Variants in ARMC9 observed in about 807,000 individuals in gnomAD.
ARMC9 encodes armadillo repeat containing 9.
ARMC9 carries 94 observed loss-of-function variants against 107.0 expected under a neutral mutation model. The ratio of observed to expected loss-of-function variants is 0.88; its 90% CI spans 0.74 to 1.04. The LOEUF (loss-of-function observed/expected upper bound fraction) is 1.04, where lower values mean the gene tolerates loss of function less well. ARMC9 is among the 50% of genes least tolerant of loss of function. The pLI is 0.00. For synonymous variants in ARMC9, 380 were observed against 396.9 expected (o/e 0.96, Z 0.51); for missense variants, 942 against 1,030.1 (o/e 0.91, Z 1.17).
chr2:231,297,519 G>A lies in ARMC9; in HGVS notation c.1773+1266G>A, dbSNP rs1243642543. ...ATTCTGCCATTGTAACACGGTGGCT[G>A]TCAGCAGTACATAAGTGGCTGAACG... On this transcript the variant is annotated intron_variant, in intron 19 of 24. Coordinates refer to ENST00000611582, the MANE Select transcript of ARMC9 (RefSeq NM_001352754.2). The surrounding 1 kb of genome is among the most constrained non-coding windows in gnomAD (Gnocchi z 4.2). Among the ~76,000 whole-genome samples the A allele has an allele frequency of 6.6e-6, 1 of 152,238 alleles. No homozygotes were observed. Among genetic ancestry groups the A allele is most frequent in the African/African-American group, 2.4e-5 (1 of 41,464 alleles).
chr2:231,269,185 G>A (rs543214743), intron 12 of ARMC9, among the ~76,000 whole-genome samples: 2 of 152,198 alleles, frequency 1.3e-5, no homozygotes, highest in African/African-American at 4.8e-5. Flanking sequence ...TCCTTCATGA[G>A]GTATATTTTA....
At chr2:231,281,647 G>A (rs900999834) in intron 16 of ARMC9, among the ~76,000 whole-genome samples, 1 of 152,180 alleles carries the variant, frequency 6.6e-6, no homozygotes, top group South Asian at 2.1e-4. Flanking sequence ...GATGATGTCT[G>A]AACAAGGACA....
At position 231,273,044 on chromosome 2, in the gene ARMC9, A is replaced by G. The variant is rs1269448964; in HGVS notation, c.1300A>G (p.Asn434Asp). 7 of 1,613,638 alleles carry G rather than the reference A, an allele frequency of 4.3e-6. No individual in the cohort carries two copies. The highest frequency in any genetic ancestry group is 5.9e-6 in the Non-Finnish European group (7 of 1,179,836). ...GGACAAGGATATCATCACCAGGGAG[A>G]ATGTTCTTGGGGCCCTGCAGAAGTT... ...EEDKDIITRE[N>D]VLGALQKFSL... The change falls in exon 14 of 25, where the codon AAT becomes GAT. Residue 434 changes from asparagine (N) to aspartate (D), a missense_variant. By Grantham distance (23) the Asn-to-Asp change is conservative. Transcript: ENST00000611582.
rs1016052 is a variant in ARMC9 at position 231,251,945 on chromosome 2, T to A, written c.880-4641T>A. The stretch of plus-strand genomic sequence containing the variant: ...ACTGTGTTGCCTGGCTGGCCTTCTC[T>A]CATTGAGAGCATGCTGAGCCACTCC... On this transcript the variant is annotated intron_variant, in intron 9 of 24. Coordinates refer to ENST00000611582, the MANE Select transcript of ARMC9 (RefSeq NM_001352754.2). Among the ~76,000 whole-genome samples, 1,169 of 152,250 alleles carry A rather than the reference T, an allele frequency of 7.7e-3. 14 individuals carry two copies. Among genetic ancestry groups the A allele is most frequent in the East Asian group, 0.052 (267 of 5,178 alleles).
At chr2:231,303,794 G>A (rs1015382064) in intron 19 of ARMC9, among the ~76,000 whole-genome samples, 32 of 152,132 alleles carry the variant, frequency 2.1e-4, no homozygotes, top group African/African-American at 7.2e-4. Flanking sequence ...AAAATTAGCC[G>A]GGTGTGATGG....
chr2:231,280,235 A>T (rs1481948425), intron 16 of ARMC9, among the ~76,000 whole-genome samples: 1 of 152,158 alleles, frequency 6.6e-6, no homozygotes, highest in Non-Finnish European at 1.5e-5. Flanking sequence ...CAGGAGGATC[A>T]CTTGAAGTCA....
In ARMC9 at chr2:231,276,662, A is replaced by C; in HGVS notation, c.1361A>C (p.Gln454Pro). Residue 454 changes from glutamine to proline, a missense_variant, in exon 15 of 25, where the codon CAA becomes CCA. Coordinates refer to ENST00000611582, the MANE Select transcript of ARMC9 (RefSeq NM_001352754.2). ...CGCCCGCTGCAGACAGCGATGATTCAAGACGGCCTCATCTTCTGGCTGGTT... is the reference window on the plus strand; with the variant it reads ...CGCCCGCTGCAGACAGCGATGATTCCAGACGGCCTCATCTTCTGGCTGGTT... ...LRRPLQTAMIQDGLIFWLVDV... is the reference protein window; with the variant it reads ...LRRPLQTAMIPDGLIFWLVDV... The C allele has an allele frequency of 6.2e-7, 1 of 1,614,132 alleles. No individual in the cohort carries two copies.
At chr2:231,344,640 A>C (rs896982245) in intron 20 of ARMC9, among the ~76,000 whole-genome samples, 1 of 152,162 alleles carries the variant, frequency 6.6e-6, no homozygotes, top group African/African-American at 2.4e-5. Flanking sequence ...ATGAAATCAA[A>C]TGTCCATCTT....
At chr2:231,281,721 T>C (rs1410050726) in intron 16 of ARMC9, among the ~76,000 whole-genome samples, 2 of 152,158 alleles carry the variant, frequency 1.3e-5, no homozygotes, top group Non-Finnish European at 2.9e-5. Context: ...TATTGGAGAC[T>C]GAACAACAAC....
intron 15 of ARMC9, 38 bp from the exon 16 acceptor site, chr2:231,278,344 T>C: frequency 6.2e-7 from 1 of 1,604,610 alleles, no homozygotes; most frequent in Non-Finnish European, 8.5e-7. Flanking sequence ...CTTCTGGGTT[T>C]AGACATGTCA....
chr2:231,273,000 AGGGAAG>A lies in ARMC9; in HGVS notation c.1258_1263del (p.Gly420_Arg421del). On this transcript the variant is annotated inframe_deletion, in exon 14 of 25. Coordinates refer to ENST00000611582, the MANE Select transcript of ARMC9 (RefSeq NM_001352754.2). Reference sequence around the variant, plus strand: ...AACACAAAGGTGCTGCAGATGCTGGAGGGAAGGCTGAAGGAGGAGGACAAGGATATC... The same window carrying A: ...AACACAAAGGTGCTGCAGATGCTGGAGCTGAAGGAGGAGGACAAGGATATC... 1.2e-6 allele frequency: 2 copies of A among 1,613,842 alleles called. No individual in the cohort carries two copies. The highest frequency in any genetic ancestry group is 1.7e-6 in the Non-Finnish European group (2 of 1,179,832).
intron 12 of ARMC9, among the ~76,000 whole-genome samples, chr2:231,264,019 G>T (rs764078659): frequency 7.9e-5 from 12 of 152,030 alleles, no homozygotes; most frequent in Non-Finnish European, 1.5e-4. Flanking sequence ...ATTGGCAGGG[G>T]TTTTTTTCTT....
chr2:231,216,234 A>G (rs2033485908), intron 4 of ARMC9, among the ~76,000 whole-genome samples: 2 of 152,332 alleles, frequency 1.3e-5, no homozygotes, highest in African/African-American at 4.8e-5. Flanking sequence ...TGCTGGAGGC[A>G]TGGTAATGCA....
In ARMC9 at chr2:231,345,024, A is replaced by G; in HGVS notation, c.1928A>G (p.Gln643Arg). The change falls in exon 21 of 25, where the codon CAG becomes CGG. Residue 643 changes from glutamine to arginine, a missense_variant. By Grantham distance (43) the Gln-to-Arg change is conservative. Transcript: ENST00000611582. ...AGGCGGAAGGGGCTGGCTAATGTGC[A>G]GTGGAGCGGGGATGAGCCCCTGCAA... ...KTRRKGLANV[Q>R]WSGDEPLQRP... 5 of 1,614,104 alleles carry G rather than the reference A, an allele frequency of 3.1e-6. No individual in the cohort carries two copies. The highest frequency in any genetic ancestry group is 4.2e-6 in the Non-Finnish European group (5 of 1,180,016).
At chr2:231,329,618 C>T (rs2043585974) in intron 19 of ARMC9, among the ~76,000 whole-genome samples, 1 of 152,148 alleles carries the variant, frequency 6.6e-6, no homozygotes, top group Non-Finnish European at 1.5e-5. Context: ...AGATTTCTTT[C>T]ACTAGATTTT....
intron 21 of ARMC9, 59 bp downstream of exon 21, chr2:231,345,149 T>C (rs2044748323): frequency 3.2e-6 from 5 of 1,582,002 alleles, no homozygotes; most frequent in Non-Finnish European, 4.3e-6. Flanking sequence ...TTGATTACAG[T>C]GTAAGATGTA....
intron 9 of ARMC9, among the ~76,000 whole-genome samples, chr2:231,253,268 C>T (rs2037467493): frequency 6.6e-6 from 1 of 152,062 alleles, no homozygotes; most frequent in Admixed American, 6.6e-5. Flanking sequence ...TTTGTGCCAC[C>T]ACGCCCAGCT....
At chr2:231,247,419 C>T (rs1002871300) in intron 9 of ARMC9, among the ~76,000 whole-genome samples, 13 of 152,200 alleles carry the variant, frequency 8.5e-5, no homozygotes, top group African/African-American at 3.1e-4. Flanking sequence ...TGGCTTGAAG[C>T]TCAGCATCTT....
intron 23 of ARMC9, among the ~76,000 whole-genome samples, chr2:231,366,695 G>T (rs1476064587): frequency 6.6e-6 from 1 of 151,562 alleles, no homozygotes; most frequent in African/African-American, 2.4e-5. Context: ...ACAAAAATTA[G>T]CCGGGCATGG....
Sources: allele counts gnomAD v4.1 joint callset (sites outside exome capture counted in the v4.1 genomes callset), GRCh38; gene constraint gnomAD v4.1.1; non-coding constraint Gnocchi (gnomAD v3.1); transcripts MANE v1.5; gene names NCBI Gene and HGNC (gene_info 2026-07-23, HGNC 2026-07-21).